MNAT1: variants seen among roughly 807,000 people sequenced by gnomAD.
MNAT1 encodes the protein MNAT1 component of CDK activating kinase, also known as CDK-activating kinase assembly factor MAT1.
MNAT1 carries 43 observed loss-of-function variants against 42.0 expected under a neutral mutation model. The observed-to-expected ratio is 1.02, with a 90% CI of 0.80 to 1.32. The LOEUF is 1.32. Ranked by LOEUF, MNAT1 falls within the 40% of genes most tolerant of loss-of-function variation. The pLI is 0.00. For missense variants in MNAT1, 306 were observed against 350.4 expected, an observed-to-expected ratio of 0.87 and a Z score of 1.01; for synonymous variants, 118 against 120.0, an observed-to-expected ratio of 0.98 and a Z score of 0.11.
chr14:60,831,142 A>T lies in MNAT1; in HGVS notation c.687+12295A>T, dbSNP rs142968823. Among the ~76,000 whole-genome samples, 509 of 147,338 alleles carry T rather than the reference A, an allele frequency of 3.5e-3. 3 individuals are homozygous for T. The highest frequency in any genetic ancestry group is 0.012 in the African/African-American group (494 of 39,738). ...TCAATACTTTTAAGTTCTGGGATAC[A>T]TGTGGAGGTTTGTTCTTGGGATACA... On this transcript the variant is annotated intron_variant, in intron 6 of 7. Coordinates refer to ENST00000261245, the MANE Select transcript of MNAT1 (RefSeq NM_002431.4).
chr14:60,828,419 G>A (rs1211909092), intron 6 of MNAT1, among the ~76,000 whole-genome samples: 2 of 151,952 alleles, frequency 1.3e-5, no homozygotes, highest in Non-Finnish European at 2.9e-5. Flanking sequence ...ATTTTGTACC[G>A]TGTAGTTTTT....
chr14:60,818,870 G>A (rs1230165077), intron 6 of MNAT1, 23 bp downstream of exon 6: 4 of 1,602,344 alleles, frequency 2.5e-6, no homozygotes, highest in Non-Finnish European at 3.4e-6. Flanking sequence ...TTAATTGCTT[G>A]TTTGAAAGAT....
chr14:60,846,041 A>G (rs1021683903), intron 6 of MNAT1, among the ~76,000 whole-genome samples: 3 of 151,992 alleles, frequency 2.0e-5, no homozygotes, highest in Non-Finnish European at 4.4e-5. Flanking sequence ...ATACTGTTTC[A>G]ATTTCTTTAC....
At chr14:60,784,294 G>T (rs956836273) in intron 1 of MNAT1, among the ~76,000 whole-genome samples, 4 of 148,956 alleles carry the variant, frequency 2.7e-5, no homozygotes, top group Admixed American at 6.8e-5. Flanking sequence ...AAAGTCCTGG[G>T]ATTACAGGCA....
In MNAT1 at chr14:60,869,040, A is replaced by ATATATATATTT. The variant is rs1465360826; in HGVS notation, c.688-10673_688-10672insATATATATTTT. Among the ~76,000 whole-genome samples the ATATATATATTT allele has an allele frequency of 1.1e-3, 124 of 113,026 alleles. 1 individual carries two copies. The highest frequency in any genetic ancestry group is 1.7e-3 in the Non-Finnish European group (95 of 54,712). The allele number at this position is 113,026 out of a possible 152,430, so 74.1% of individuals were successfully genotyped here. A position where few individuals can be genotyped will look rare whatever the true frequency, so the allele number is the denominator to read the frequency against. ...ATTTTATACATATATATATATATATATTTTTTTTTTTTTTTTTGAGACGGA... is the reference window on the plus strand; with the variant it reads ...ATTTTATACATATATATATATATATATATATATATTTTTTTTTTTTTTTTTTTTGAGACGGA... On this transcript the variant is annotated intron_variant, in intron 6 of 7. Coordinates refer to ENST00000261245, the MANE Select transcript of MNAT1 (RefSeq NM_002431.4).
At chr14:60,945,403 T>C (rs2036251682) in intron 7 of MNAT1, among the ~76,000 whole-genome samples, 1 of 152,164 alleles carries the variant, frequency 6.6e-6, no homozygotes, top group African/African-American at 2.4e-5. Flanking sequence ...ACTATCTATT[T>C]TCTTTGTTTT....
chr14:60,741,420 C>T (rs527395312), intron 1 of MNAT1, among the ~76,000 whole-genome samples: 67 of 152,052 alleles, frequency 4.4e-4, no homozygotes, highest in African/African-American at 1.5e-3. Flanking sequence ...AGTGCAGTGG[C>T]GCGATCTCAG....
intron 7 of MNAT1, among the ~76,000 whole-genome samples, chr14:60,903,354 G>T (rs2035113472): frequency 6.6e-6 from 1 of 151,922 alleles, no homozygotes; most frequent in Non-Finnish European, 1.5e-5. Flanking sequence ...AATAGCGTTT[G>T]GGAAAGGTAG....
chr14:60,880,481 A>G (rs2034527418), intron 7 of MNAT1, among the ~76,000 whole-genome samples: 1 of 152,196 alleles, frequency 6.6e-6, no homozygotes, highest in East Asian at 1.9e-4. Context: ...TGATTTTAAA[A>G]TGTGAACTAT....
chr14:60,954,746 G>A (rs910308569), intron 7 of MNAT1, among the ~76,000 whole-genome samples: 74 of 152,180 alleles, frequency 4.9e-4, no homozygotes, highest in African/African-American at 1.8e-3. Flanking sequence ...ATAACTTCCA[G>A]TATTATGTTG....
intron 7 of MNAT1, among the ~76,000 whole-genome samples, chr14:60,941,773 G>A (rs2036165941): frequency 6.6e-6 from 1 of 151,546 alleles, no homozygotes; most frequent in South Asian, 2.1e-4. Flanking sequence ...GGGAGGCTGA[G>A]GCGGGCGGAT....
intron 7 of MNAT1, among the ~76,000 whole-genome samples, chr14:60,882,140 G>GACAAAA (rs996134196): frequency 6.6e-6 from 1 of 152,104 alleles, no homozygotes; most frequent in East Asian, 1.9e-4. Flanking sequence ...TAGCCTGGGT[G>GACAAAA]ACAAAAACAA....
chr14:60,781,305 G>A (rs2031452469), intron 1 of MNAT1, among the ~76,000 whole-genome samples: 1 of 152,032 alleles, frequency 6.6e-6, no homozygotes, highest in Admixed American at 6.6e-5. Flanking sequence ...GGTGTAATTT[G>A]CCTGCTCATA....
At chr14:60,741,286 C>T (rs1896452599) in intron 1 of MNAT1, among the ~76,000 whole-genome samples, 1 of 152,186 alleles carries the variant, frequency 6.6e-6, no homozygotes, top group Non-Finnish European at 1.5e-5. Flanking sequence ...AATGATCCTC[C>T]TGCCTCATCC....
intron 7 of MNAT1, among the ~76,000 whole-genome samples, chr14:60,913,911 CT>C (rs1254444620): frequency 1.3e-5 from 2 of 152,234 alleles, no homozygotes; most frequent in Non-Finnish European, 2.9e-5. Context: ...TGTCTGTGCC[CT>C]GCCCCCAGAG....
intron 7 of MNAT1, among the ~76,000 whole-genome samples, chr14:60,902,597 A>C (rs1023833960): frequency 2.0e-5 from 3 of 152,154 alleles, no homozygotes; most frequent in African/African-American, 7.2e-5. Flanking sequence ...AAAGCCACCA[A>C]CAACTTAGCT....
At chr14:60,772,426 A>G (rs1298212336) in intron 1 of MNAT1, among the ~76,000 whole-genome samples, 1 of 152,178 alleles carries the variant, frequency 6.6e-6, no homozygotes, top group Non-Finnish European at 1.5e-5. Context: ...CTCTACTAAA[A>G]ATACATAAAT....
intron 5 of MNAT1, among the ~76,000 whole-genome samples, chr14:60,816,290 T>C (rs1157386090): frequency 6.6e-6 from 1 of 150,994 alleles, no homozygotes; most frequent in Non-Finnish European, 1.5e-5. Flanking sequence ...GGCTAAAAGG[T>C]CCATTTATTT....
At chr14:60,938,337 C>A (rs1300388173) in intron 7 of MNAT1, among the ~76,000 whole-genome samples, 1 of 152,036 alleles carries the variant, frequency 6.6e-6, no homozygotes, top group Non-Finnish European at 1.5e-5. Context: ...AGTTTTTGTC[C>A]ATTCAGTATG....
Sources: gnomAD v4.1 joint callset for allele counts (sites outside exome capture counted in the v4.1 genomes callset) on GRCh38, gnomAD v4.1.1 for gene constraint, MANE v1.5 for transcripts, NCBI Gene and HGNC (gene_info 2026-07-23, HGNC 2026-07-21) for gene names.